Variants in NAALADL2 observed in about 807,000 individuals in gnomAD.
NAALADL2 encodes the protein N-acetylated alpha-linked acidic dipeptidase like 2.
In NAALADL2, 76 loss-of-function variants were observed where a neutral mutation model predicts 87.2. The observed-to-expected ratio is 0.87, with a 90% CI of 0.72 to 1.05. The LOEUF is 1.05. NAALADL2 is among the 50% of genes least tolerant of loss of function. NAALADL2 has a pLI of 0.00. For missense variants in NAALADL2, 1,089 were observed against 945.8 expected, an observed-to-expected ratio of 1.15 and a Z score of -1.99; for synonymous variants, 354 against 331.0, an observed-to-expected ratio of 1.07 and a Z score of -0.75.
chr3:175,636,198 T>TTGTG (rs3040732), intron 11 of NAALADL2, among the ~76,000 whole-genome samples: 11 of 150,970 alleles, frequency 7.3e-5, no homozygotes, highest in African/African-American at 9.7e-5. Flanking sequence ...AAATCCTAAA[T>TTGTG]TGTGTGTGTG....
chr3:174,730,288 G>T (rs140952336), intron 2 of NAALADL2, among the ~76,000 whole-genome samples: 1 of 152,102 alleles, frequency 6.6e-6, no homozygotes, highest in African/African-American at 2.4e-5. Context: ...TGTTATCTGT[G>T]TGTCCGTTTA....
intron 2 of NAALADL2, among the ~76,000 whole-genome samples, chr3:175,223,094 CTGTGTGTGTGTGTG>C (rs71626203): frequency 4.1e-5 from 6 of 147,592 alleles, no homozygotes; most frequent in East Asian, 2.0e-4. Flanking sequence ...CATAGTTACT[CTGTGTGTGTGTGTG>C]TGTGTGTGTG....
Position 175,463,476 on chromosome 3 carries a change from T to A in NAALADL2, c.1310T>A (p.Met437Lys), listed in dbSNP as rs140774236. Residue 437 changes from methionine to lysine, a missense_variant, in exon 7 of 14, where the codon ATG becomes AAG. Transcript: ENST00000454872. ...KTVTNVVGFVMGLTSPDRYII... is the reference protein window; with the variant it reads ...KTVTNVVGFVKGLTSPDRYII... ...GTTACTAATGTTGTTGGATTTGTAA[T>A]GGGCTTGACATCTCCAGGTAAGTAG... 2.5e-6 allele frequency: 4 copies of A among 1,593,676 alleles called. No homozygotes were observed. In the African/African-American group the frequency reaches 5.4e-5, roughly 21 times the overall value.
chr3:175,460,583 C>A (rs937886139), intron 6 of NAALADL2, among the ~76,000 whole-genome samples: 1 of 152,092 alleles, frequency 6.6e-6, no homozygotes, highest in African/African-American at 2.4e-5. Context: ...ATTTGAAATC[C>A]TTCCATACAA....
At chr3:175,530,981 T>C (rs1734018569) in intron 9 of NAALADL2, among the ~76,000 whole-genome samples, 1 of 152,052 alleles carries the variant, frequency 6.6e-6, no homozygotes, top group Non-Finnish European at 1.5e-5. Context: ...AGGGCCTTAC[T>C]CCAAAATCCT....
At chr3:175,729,221 G>T (rs577462234) in intron 11 of NAALADL2, among the ~76,000 whole-genome samples, 41 of 152,254 alleles carry the variant, frequency 2.7e-4, no homozygotes, top group Admixed American at 1.1e-3. Flanking sequence ...TCTAAGGAGA[G>T]CACCTATCTT....
At chr3:175,119,516 G>T (rs1475202202) in intron 2 of NAALADL2, among the ~76,000 whole-genome samples, 3 of 151,058 alleles carry the variant, frequency 2.0e-5, no homozygotes, top group Non-Finnish European at 1.5e-5. Context: ...TGGGAAGAGA[G>T]GCAGAGACAG....
intron 11 of NAALADL2, among the ~76,000 whole-genome samples, chr3:175,698,349 AT>A (rs1238156519): frequency 8.5e-6 from 1 of 117,848 alleles, no homozygotes; most frequent in East Asian, 2.2e-4. Context: ...ATGTATGTGT[AT>A]TTATGTATGT....
chr3:175,069,468 T>A (rs1715178997), intron 1 of NAALADL2, among the ~76,000 whole-genome samples: 1 of 149,488 alleles, frequency 6.7e-6, no homozygotes, highest in Non-Finnish European at 1.5e-5. Flanking sequence ...TGAGATACCA[T>A]CTCACACCAG....
At chr3:175,421,132 T>A (rs1375503027) in intron 5 of NAALADL2, among the ~76,000 whole-genome samples, 1 of 152,018 alleles carries the variant, frequency 6.6e-6, no homozygotes, top group Non-Finnish European at 1.5e-5. Flanking sequence ...TCTTAAATCA[T>A]TCTGTATATA....
intron 3 of NAALADL2, among the ~76,000 whole-genome samples, chr3:174,821,678 G>A (rs1721440046): frequency 6.6e-6 from 1 of 152,154 alleles, no homozygotes; most frequent in South Asian, 2.1e-4. Flanking sequence ...GCTGACTTCA[G>A]AAGCTTATGG....
chr3:175,240,420 A>C (rs190546579), intron 3 of NAALADL2, among the ~76,000 whole-genome samples: 2 of 152,302 alleles, frequency 1.3e-5, no homozygotes, highest in Non-Finnish European at 2.9e-5. Context: ...AGCTGGAAAA[A>C]CTTGGTCTTT....
At chr3:175,132,611 TG>T in intron 2 of NAALADL2, among the ~76,000 whole-genome samples, 1 of 107,400 alleles carries the variant, frequency 9.3e-6, no homozygotes, top group East Asian at 3.9e-4. Context: ...GGCAGGGGGC[TG>T]ACCCCCCCAC....
intron 5 of NAALADL2, among the ~76,000 whole-genome samples, chr3:175,330,870 G>T (rs1436754301): frequency 6.6e-6 from 1 of 152,000 alleles, no homozygotes; most frequent in Non-Finnish European, 1.5e-5. Flanking sequence ...CAGAAAGTTG[G>T]CTGTTTGAAA....
At chr3:174,713,499 A>C (rs1036691819) in intron 2 of NAALADL2, among the ~76,000 whole-genome samples, 1 of 152,166 alleles carries the variant, frequency 6.6e-6, no homozygotes, top group Non-Finnish European at 1.5e-5. Flanking sequence ...TGCCATTCTA[A>C]CTGGTGTGAG....
chr3:174,529,220 T>G (rs1056038361), intron 1 of NAALADL2, among the ~76,000 whole-genome samples: 1 of 152,346 alleles, frequency 6.6e-6, no homozygotes, highest in Non-Finnish European at 1.5e-5. Context: ...ACAGGCCCCA[T>G]GCAAGTCCGA....
chr3:175,560,796 A>G (rs9847020), intron 9 of NAALADL2, among the ~76,000 whole-genome samples: 6,481 of 152,052 alleles, frequency 0.043, 312 homozygotes, highest in African/African-American at 0.12. Flanking sequence ...CGATTTTTGT[A>G]TTTTTAGTAG....
At chr3:175,214,157 T>C (rs1370955239) in intron 2 of NAALADL2, among the ~76,000 whole-genome samples, 1 of 152,180 alleles carries the variant, frequency 6.6e-6, no homozygotes, top group Admixed American at 6.6e-5. Context: ...GCTTTTATGT[T>C]GATAGGTTGT....
At chr3:175,778,372 G>C (rs1057287519) in intron 13 of NAALADL2, among the ~76,000 whole-genome samples, 3 of 152,174 alleles carry the variant, frequency 2.0e-5, no homozygotes, top group South Asian at 4.1e-4. Flanking sequence ...TATTTGTATA[G>C]ACTCTTACAA....
Sources: gnomAD v4.1 joint callset for allele counts (sites outside exome capture counted in the v4.1 genomes callset) on GRCh38, gnomAD v4.1.1 for gene constraint, MANE v1.5 for transcripts, NCBI Gene and HGNC (gene_info 2026-07-23, HGNC 2026-07-21) for gene names.